Variants in SEC14L1 observed in about 807,000 individuals in gnomAD.
The protein encoded by SEC14L1 is SEC14-like protein 1.
In SEC14L1, 48 loss-of-function variants were observed where a neutral mutation model predicts 85.3. The ratio of observed to expected loss-of-function variants is 0.56; its 90% CI spans 0.45 to 0.72. The LOEUF is 0.72. SEC14L1 is among the 30% of genes least tolerant of loss of function. The pLI is 0.00. For synonymous variants in SEC14L1, 391 were observed against 355.5 expected (o/e 1.10, Z -1.12); for missense variants, 682 against 921.4 (o/e 0.74, Z 3.36).
intron 3 of SEC14L1, among the ~76,000 whole-genome samples, chr17:77,149,049 C>T (rs1008104404): frequency 1.3e-5 from 2 of 152,180 alleles, no homozygotes; most frequent in African/African-American, 4.8e-5. Context: ...GTTTGCCATT[C>T]CCCATCTGTC....
At chr17:77,131,744 G>T (rs1183633787) in intron 3 of SEC14L1, among the ~76,000 whole-genome samples, 1 of 152,218 alleles carries the variant, frequency 6.6e-6, no homozygotes, top group Non-Finnish European at 1.5e-5. Context: ...GATCTTGAAT[G>T]GTAGGCTTTG....
upstream of SEC14L1, chr17:77,140,883 C>T (rs1258195882): frequency 6.6e-6 from 1 of 150,510 alleles, no homozygotes; most frequent in Non-Finnish European, 1.5e-5. Context: ...GCCGCGGCCG[C>T]GCACGCGCGC....
chr17:77,117,433 A>G (rs1289978416), intron 3 of SEC14L1, among the ~76,000 whole-genome samples: 5 of 152,244 alleles, frequency 3.3e-5, no homozygotes, highest in African/African-American at 4.8e-5. Flanking sequence ...TAGAAACCCA[A>G]TCGACATCTT....
chr17:77,197,633 A>G (rs1256522424), intron 8 of SEC14L1, among the ~76,000 whole-genome samples: 2 of 151,036 alleles, frequency 1.3e-5, no homozygotes, highest in East Asian at 1.9e-4. Flanking sequence ...TTTTTTTTAT[A>G]TATGTATACA....
chr17:77,153,143 C>T (rs1039669600), intron 3 of SEC14L1, among the ~76,000 whole-genome samples: 4 of 152,350 alleles, frequency 2.6e-5, no homozygotes, highest in African/African-American at 4.8e-5. Context: ...TCTTGGCTCA[C>T]TGCAACCTCC....
At chr17:77,147,210 T>C (rs976759636) in intron 3 of SEC14L1, among the ~76,000 whole-genome samples, 1 of 152,208 alleles carries the variant, frequency 6.6e-6, no homozygotes, top group Admixed American at 6.5e-5. Flanking sequence ...AATGCCTTTG[T>C]TTGTTTGTTT....
At chr17:77,104,833 T>G (rs1971872126) in intron 3 of SEC14L1, among the ~76,000 whole-genome samples, 1 of 150,930 alleles carries the variant, frequency 6.6e-6, no homozygotes, top group Non-Finnish European at 1.5e-5. Flanking sequence ...TGTGTGTGTG[T>G]GTCAAGGTTG....
chr17:77,121,222 C>T (rs1381257565), intron 3 of SEC14L1, among the ~76,000 whole-genome samples: 1 of 152,200 alleles, frequency 6.6e-6, no homozygotes, highest in Non-Finnish European at 1.5e-5. Context: ...TAAGAACATC[C>T]TGGCTACTGC....
chr17:77,118,041 A>G, intron 3 of SEC14L1, among the ~76,000 whole-genome samples: 1 of 152,268 alleles, frequency 6.6e-6, no homozygotes, highest in East Asian at 1.9e-4. Flanking sequence ...TCAACTGGAC[A>G]GCGGGAATCA....
chr17:77,194,932 A>T, intron 7 of SEC14L1, 21 bp downstream of exon 7: 1 of 1,579,722 alleles, frequency 6.3e-7, no homozygotes, highest in South Asian at 1.1e-5. Context: ...CAGGGGCTTC[A>T]TCCCGAGAGC....
At chr17:77,097,626 TG>T (rs976482578) in intron 3 of SEC14L1, among the ~76,000 whole-genome samples, 1 of 27,758 alleles carries the variant, frequency 3.6e-5, no homozygotes, top group African/African-American at 1.5e-4. Flanking sequence ...ACTTGCTGGG[TG>T]GGGGCGGGGG....
At chr17:77,205,461 A>G in intron 11 of SEC14L1, 115 bp downstream of exon 11, 3 of 915,652 alleles carry the variant, frequency 3.3e-6, no homozygotes, top group East Asian at 2.7e-5. Context: ...TCTAAAAGGT[A>G]GACAAGAAGT....
At chr17:77,143,466 C>T in intron 2 of SEC14L1, 101 bp from the exon 3 acceptor site, 1 of 642,898 alleles carries the variant, frequency 1.6e-6, no homozygotes. Flanking sequence ...CTATTGTGGT[C>T]TCTTTCTGTC....
chr17:77,115,659 G>A (rs745631356), intron 3 of SEC14L1, among the ~76,000 whole-genome samples: 2 of 152,030 alleles, frequency 1.3e-5, no homozygotes, highest in Non-Finnish European at 2.9e-5. Context: ...TATTTTAGGC[G>A]CTGATTACAT....
Position 77,214,717 on chromosome 17 carries a change from C to G in SEC14L1, c.*694C>G. The G allele has an allele frequency of 2.0e-6, 2 of 985,550 alleles. No individual in the cohort carries two copies. Among genetic ancestry groups the G allele is most frequent in the Non-Finnish European group, 2.4e-6 (2 of 829,988 alleles). 61.1% of individuals were successfully genotyped at this position (985,550 alleles called of 1,614,324 possible). On this transcript the variant is annotated 3_prime_UTR_variant, in exon 17 of 17. Transcript: ENST00000436233. ...GTTAAACATTACTTTCTCTTTCCTC[C>G]TTTTCAAATCTTTTTGATACTTTTT...
intron 3 of SEC14L1, among the ~76,000 whole-genome samples, chr17:77,164,893 A>G (rs1305328751): frequency 6.6e-6 from 1 of 152,206 alleles, no homozygotes; most frequent in East Asian, 1.9e-4. Context: ...CAACAGTCTC[A>G]TGTTTACATT....
chr17:77,119,935 A>G (rs1972256751), intron 3 of SEC14L1, among the ~76,000 whole-genome samples: 1 of 152,188 alleles, frequency 6.6e-6, no homozygotes, highest in Non-Finnish European at 1.5e-5. Flanking sequence ...CCTTTGGGAC[A>G]TTCCCCAGGC....
intron 3 of SEC14L1, among the ~76,000 whole-genome samples, chr17:77,183,089 T>C (rs1009241722): frequency 6.6e-6 from 1 of 152,246 alleles, no homozygotes; most frequent in Non-Finnish European, 1.5e-5. Context: ...TAATGAGTTA[T>C]TGCAAAAGAC....
rs186178353 is a variant in SEC14L1 at position 77,214,404 on chromosome 17, A to G, written c.*381A>G. On this transcript the variant is annotated 3_prime_UTR_variant, in exon 17 of 17. Coordinates refer to ENST00000436233, the MANE Select transcript of SEC14L1 (RefSeq NM_001143998.2). ...TGAATGAATTCCTGTGACATCCTCC[A>G]GAGATGGCCCCTCCTCACCTGGGAC... 8.0e-6 allele frequency: 8 copies of G among 1,005,788 alleles called. No individual in the cohort carries two copies. In the African/African-American group the frequency reaches 1.4e-4, roughly 17 times the overall value. The allele number at this position is 1,005,788 out of a possible 1,614,324, so 62.3% of individuals were successfully genotyped here.
Sources: allele counts gnomAD v4.1 joint callset (sites outside exome capture counted in the v4.1 genomes callset), GRCh38; gene constraint gnomAD v4.1.1; transcripts MANE v1.5; gene names NCBI Gene and HGNC (gene_info 2026-07-23, HGNC 2026-07-21).